The following PSMD1 variants were observed in gnomAD, a reference collection of about 807,000 sequenced individuals.
PSMD1 encodes the protein 26S proteasome non-ATPase regulatory subunit 1.
PSMD1 carries 18 observed loss-of-function variants against 119.0 expected under a neutral mutation model. That is an observed-to-expected ratio of 0.15 (90% CI 0.10 to 0.22). The LOEUF is 0.22. PSMD1 is among the 10% of genes least tolerant of loss of function. The probability of loss-of-function intolerance (pLI) is 1.00; values close to 1 mark genes in which losing one functional copy is unlikely to be tolerated. For synonymous variants in PSMD1, 374 were observed against 396.6 expected (o/e 0.94, Z 0.68); for missense variants, 702 against 1,158.5 (o/e 0.61, Z 5.72).
chr2:231,099,178 T>C (rs969500365), intron 16 of PSMD1, among the ~76,000 whole-genome samples: 1 of 152,160 alleles, frequency 6.6e-6, no homozygotes, highest in African/African-American at 2.4e-5. Flanking sequence ...AGGGATCCCA[T>C]GCGCTGGAAT....
intron 16 of PSMD1, among the ~76,000 whole-genome samples, chr2:231,100,128 C>T (rs898717127): frequency 4.6e-5 from 7 of 152,134 alleles, no homozygotes; most frequent in African/African-American, 1.4e-4. Flanking sequence ...GAGACCATCC[C>T]GGGAGGGGAA....
chr2:231,124,097 G>A (rs868585813), intron 16 of PSMD1: 4 of 272,894 alleles, frequency 1.5e-5, no homozygotes, highest in Admixed American at 4.8e-5. Flanking sequence ...TAGTTGTAGA[G>A]TCGTGTTTGA....
Position 231,084,222 on chromosome 2 carries a change from G to A in PSMD1, c.1722+459G>A, listed in dbSNP as rs192643185. ...AAAAAATTAGCCAGGCTTGGTGGCGGACACCTGTAATCCCAGCTACTTGGG... is the reference window on the plus strand; with the variant it reads ...AAAAAATTAGCCAGGCTTGGTGGCGAACACCTGTAATCCCAGCTACTTGGG... On this transcript the variant is annotated intron_variant, in intron 14 of 24. Transcript: ENST00000308696. Among the ~76,000 whole-genome samples, 14 of 152,130 alleles carry A rather than the reference G, an allele frequency of 9.2e-5. No homozygotes were observed. In the East Asian group the frequency reaches 2.5e-3, roughly 27 times the overall value.
At chr2:231,113,876 C>T (rs751593992) in intron 16 of PSMD1, 28 of 1,613,902 alleles carry the variant, frequency 1.7e-5, no homozygotes, top group Admixed American at 6.7e-5. Flanking sequence ...GAAAAGAGAA[C>T]GTCAAGAAAT....
At chr2:231,171,700 G>T (rs956011717) in intron 24 of PSMD1, among the ~76,000 whole-genome samples, 2 of 152,022 alleles carry the variant, frequency 1.3e-5, no homozygotes, top group African/African-American at 4.8e-5. Flanking sequence ...GGGATTACAG[G>T]CATGCGCCAC....
At chr2:231,151,707 C>T (rs1213403787) in intron 18 of PSMD1, among the ~76,000 whole-genome samples, 1 of 151,832 alleles carries the variant, frequency 6.6e-6, no homozygotes. Context: ...ATAAAATTTC[C>T]ATACTGTATA....
intron 16 of PSMD1, among the ~76,000 whole-genome samples, chr2:231,134,949 T>G (rs1171357602): frequency 7.9e-5 from 12 of 152,180 alleles, no homozygotes; most frequent in African/African-American, 1.2e-4. Flanking sequence ...TTAGTTTAAC[T>G]CTCTTTGTCT....
chr2:231,123,507 C>A (rs781646655), intron 16 of PSMD1: 2 of 1,614,104 alleles, frequency 1.2e-6, no homozygotes, highest in Admixed American at 3.3e-5. Context: ...TAGTAGCATA[C>A]TGCAGCTTCT....
At chr2:231,071,552 T>G (rs1013801854) in intron 6 of PSMD1, among the ~76,000 whole-genome samples, 6 of 152,156 alleles carry the variant, frequency 3.9e-5, no homozygotes, top group Non-Finnish European at 8.8e-5. Context: ...ATCATTCCCC[T>G]ATTGTTGACC....
chr2:231,133,354 TA>T (rs1348579327), intron 16 of PSMD1: 1 of 152,076 alleles, frequency 6.6e-6, no homozygotes, highest in Non-Finnish European at 1.5e-5. Flanking sequence ...AATTGCTGTG[TA>T]TTGAGTTAAT....
At chr2:231,089,595 A>G (rs1281306488) in intron 16 of PSMD1, among the ~76,000 whole-genome samples, 2 of 125,938 alleles carry the variant, frequency 1.6e-5, no homozygotes, top group Non-Finnish European at 3.3e-5. Context: ...AATTAATAGG[A>G]TATATATATA....
chr2:231,155,803 CTCTT>C (rs1021163638), intron 19 of PSMD1, among the ~76,000 whole-genome samples: 17 of 151,736 alleles, frequency 1.1e-4, no homozygotes, highest in African/African-American at 3.9e-4. Context: ...GTTTACTTTT[CTCTT>C]TCTTTTTAAT....
At chr2:231,062,698 G>A in intron 4 of PSMD1, 23 bp downstream of exon 4, 1 of 1,511,664 alleles carries the variant, frequency 6.6e-7, no homozygotes. Flanking sequence ...TATCTGGTAA[G>A]GCTTTATCTT....
intron 7 of PSMD1, among the ~76,000 whole-genome samples, chr2:231,074,823 T>G: frequency 6.6e-6 from 1 of 152,266 alleles, no homozygotes; most frequent in East Asian, 1.9e-4. Context: ...TACAAAATAA[T>G]GGCTTTTGTT....
At chr2:231,064,679 T>C (rs1331187756) in intron 4 of PSMD1, among the ~76,000 whole-genome samples, 2 of 152,174 alleles carry the variant, frequency 1.3e-5, no homozygotes, top group Non-Finnish European at 2.9e-5. Context: ...GTTTGTCTGT[T>C]TGTTTTTTGG....
chr2:231,114,894 C>G (rs1423922365), intron 16 of PSMD1, among the ~76,000 whole-genome samples: 2 of 152,106 alleles, frequency 1.3e-5, no homozygotes, highest in East Asian at 3.8e-4. Context: ...AGAATTCCCC[C>G]TAGAATATTT....
At chr2:231,079,444 TA>T in intron 10 of PSMD1, 91 bp from the exon 11 acceptor site, 1 of 773,604 alleles carries the variant, frequency 1.3e-6, no homozygotes, top group Non-Finnish European at 2.0e-6. Flanking sequence ...GGGTTCAAGG[TA>T]AAATTTTAAT....
In PSMD1 at chr2:231,067,106, G is replaced by C; in HGVS notation, c.505G>C (p.Glu169Gln). 6.3e-7 allele frequency: 1 copy of C among 1,586,900 alleles called. No individual in the cohort carries two copies. Among genetic ancestry groups the C allele is most frequent in the South Asian group, 1.2e-5 (1 of 86,052 alleles). Residue 169 changes from glutamate (E) to glutamine (Q), a missense_variant, in exon 5 of 25, where the codon GAG (glutamate) becomes CAG (glutamine). Physicochemically the swap from Glu to Gln is conservative, Grantham distance 29. Transcript: ENST00000308696. ...GGACGTCTTTGAAAAGACCATACTG[G>C]AGTCGGTAGGTAGATGATGTTATTT... is the stretch of plus-strand genomic sequence containing the variant. Reference protein sequence around the residue: ...RLDVFEKTILESNDVPGMLAY... With the variant: ...RLDVFEKTILQSNDVPGMLAY...
chr2:231,097,881 A>G (rs1200512597), intron 16 of PSMD1, among the ~76,000 whole-genome samples: 1 of 152,106 alleles, frequency 6.6e-6, no homozygotes, highest in Non-Finnish European at 1.5e-5. Context: ...GTTATTTGGC[A>G]GAGTGTCCAG....
Sources: allele counts gnomAD v4.1 joint callset (sites outside exome capture counted in the v4.1 genomes callset), GRCh38; gene constraint gnomAD v4.1.1; transcripts MANE v1.5; gene names NCBI Gene and HGNC (gene_info 2026-07-23, HGNC 2026-07-21).